The following ARHGAP42 variants were observed in gnomAD, a reference collection of about 807,000 sequenced individuals.
ARHGAP42 encodes Rho GTPase activating protein 42.
Under a neutral mutation model 125.0 loss-of-function variants are expected in ARHGAP42, and 63 were observed. The ratio of observed to expected loss-of-function variants is 0.50; its 90% confidence interval spans 0.41 to 0.62. The LOEUF is 0.62. ARHGAP42 is among the 20% of genes least tolerant of loss of function. The pLI is 0.00. For missense variants in ARHGAP42, 766 were observed against 1,024.2 expected (o/e 0.75, Z 3.44); for synonymous variants, 339 against 351.0 (o/e 0.97, Z 0.38).
intron 4 of ARHGAP42, among the ~76,000 whole-genome samples, chr11:100,900,339 A>C (rs933785834): frequency 6.6e-6 from 1 of 151,980 alleles, no homozygotes; most frequent in African/African-American, 2.4e-5. Flanking sequence ...TGTGCTTAAC[A>C]TTTTTTCCTT....
chr11:100,888,598 C>T (rs1196553556), intron 4 of ARHGAP42, among the ~76,000 whole-genome samples: 1 of 152,092 alleles, frequency 6.6e-6, no homozygotes, highest in Non-Finnish European at 1.5e-5. Context: ...CAAAGGAAAC[C>T]AATTTCCCAT....
At chr11:100,766,360 A>G (rs1862829068) in intron 1 of ARHGAP42, among the ~76,000 whole-genome samples, 1 of 152,148 alleles carries the variant, frequency 6.6e-6, no homozygotes. Flanking sequence ...ATGGCATGGG[A>G]TCTTTCATTT....
At position 100,881,133 on chromosome 11, in the gene ARHGAP42, T is replaced by C. The variant is rs1269797539; in HGVS notation, c.384+21508T>C. Among the ~76,000 whole-genome samples, 5 of 152,324 alleles carry C rather than the reference T, an allele frequency of 3.3e-5. No homozygotes were observed. In the South Asian group the frequency reaches 1.0e-3, roughly 32 times the overall value. ...ATCTTTGTTTCTTTGTATTTGCTTTTGGGTTCTTGGTCATGAAATCCTTGC... is the reference window on the plus strand; with the variant it reads ...ATCTTTGTTTCTTTGTATTTGCTTTCGGGTTCTTGGTCATGAAATCCTTGC... On this transcript the variant is annotated intron_variant, in intron 4 of 23. Transcript: ENST00000298815.
intron 3 of ARHGAP42, among the ~76,000 whole-genome samples, chr11:100,850,300 T>C (rs1865172284): frequency 6.6e-6 from 1 of 152,212 alleles, no homozygotes; most frequent in African/African-American, 2.4e-5. Flanking sequence ...TTAAGGCTCC[T>C]AGGCTACAGA....
chr11:100,843,957 C>T lies in ARHGAP42; in HGVS notation c.313-15597C>T, dbSNP rs545282242. Among the ~76,000 whole-genome samples, 14 of 152,104 alleles carry T rather than the reference C, an allele frequency of 9.2e-5. No individual in the cohort carries two copies. In the East Asian group the frequency reaches 2.7e-3, roughly 29 times the overall value. Reference sequence around the variant, plus strand: ...GAACTATAAAAAAAATCCTAAAATTCATATGGAACCAAAAAAATAGCCTGC... The same window carrying T: ...GAACTATAAAAAAAATCCTAAAATTTATATGGAACCAAAAAAATAGCCTGC... On this transcript the variant is annotated intron_variant, in intron 3 of 23. Transcript: ENST00000298815.
At chr11:100,896,089 G>T (rs1174507064) in intron 4 of ARHGAP42, among the ~76,000 whole-genome samples, 1 of 152,100 alleles carries the variant, frequency 6.6e-6, no homozygotes, top group South Asian at 2.1e-4. Context: ...GAGAACATGC[G>T]GTGTTTGGTT....
At chr11:100,692,290 C>T (rs1339925612) in intron 1 of ARHGAP42, among the ~76,000 whole-genome samples, 5 of 152,176 alleles carry the variant, frequency 3.3e-5, no homozygotes, top group Admixed American at 6.5e-5. Flanking sequence ...TATACACAAG[C>T]ATGGAACTAT....
intron 22 of ARHGAP42, among the ~76,000 whole-genome samples, chr11:100,980,547 CTTT>C (rs1319599852): frequency 4.7e-5 from 3 of 64,298 alleles, no homozygotes; most frequent in Non-Finnish European, 1.0e-4. Context: ...AATCATACTT[CTTT>C]TTCTTCTTCT....
chr11:100,977,014 AGAGAG>A, intron 21 of ARHGAP42, 43 bp downstream of exon 21: 1 of 1,546,680 alleles, frequency 6.5e-7, no homozygotes, highest in Non-Finnish European at 8.7e-7. Flanking sequence ...CCAGGGATAC[AGAGAG>A]GAGTTGAGTG....
At chr11:100,725,478 A>G (rs1310636353) in intron 1 of ARHGAP42, among the ~76,000 whole-genome samples, 2 of 151,528 alleles carry the variant, frequency 1.3e-5, no homozygotes, top group Admixed American at 1.3e-4. Flanking sequence ...CGTGACCAAA[A>G]TCTTGGTGAA....
At chr11:100,797,057 G>A (rs552249434) in intron 3 of ARHGAP42, among the ~76,000 whole-genome samples, 73 of 152,332 alleles carry the variant, frequency 4.8e-4, no homozygotes, top group African/African-American at 1.7e-3. Flanking sequence ...GTGAGCCACT[G>A]CATCCAGCCC....
intron 4 of ARHGAP42, among the ~76,000 whole-genome samples, chr11:100,891,316 G>C (rs992372227): frequency 6.6e-6 from 1 of 151,822 alleles, no homozygotes; most frequent in Non-Finnish European, 1.5e-5. Flanking sequence ...TTTTCATATA[G>C]TCTTCAAAGT....
At chr11:100,696,959 T>C (rs1255239265) in intron 1 of ARHGAP42, among the ~76,000 whole-genome samples, 2 of 152,164 alleles carry the variant, frequency 1.3e-5, no homozygotes, top group Non-Finnish European at 2.9e-5. Flanking sequence ...TCTATTTTGT[T>C]AAGAATGGGG....
In ARHGAP42 at chr11:100,928,024, G is replaced by T. The variant is rs577114882; in HGVS notation, c.598-5132G>T. 9.9e-5 allele frequency among the ~76,000 whole-genome samples: 15 copies of T among 152,222 alleles called. No homozygotes were observed. In the East Asian group the frequency reaches 2.1e-3, roughly 22 times the overall value. ...GCCATGAACTCCTTTGCACATCTAT[G>T]CATTAGACTTAAAGCAATCTGTAGT... On this transcript the variant is annotated intron_variant, in intron 6 of 23. Coordinates refer to ENST00000298815, the MANE Select transcript of ARHGAP42 (RefSeq NM_152432.4).
At chr11:100,866,352 A>T (rs1865570230) in intron 4 of ARHGAP42, among the ~76,000 whole-genome samples, 1 of 152,212 alleles carries the variant, frequency 6.6e-6, no homozygotes, top group African/African-American at 2.4e-5. Flanking sequence ...TCCATGAATC[A>T]TAAACGTTGT....
intron 12 of ARHGAP42, among the ~76,000 whole-genome samples, chr11:100,955,383 T>A (rs1002744114): frequency 6.6e-6 from 1 of 152,142 alleles, no homozygotes; most frequent in Admixed American, 6.6e-5. Context: ...TTGGTAGTAG[T>A]TGTATTCTGG....
intron 4 of ARHGAP42, among the ~76,000 whole-genome samples, chr11:100,877,731 G>A (rs1865853346): frequency 6.6e-6 from 1 of 152,120 alleles, no homozygotes; most frequent in South Asian, 2.1e-4. Context: ...ACCAGGGTGG[G>A]CGCGGTGGCT....
At chr11:100,981,747 T>C (rs945702179) in intron 22 of ARHGAP42, among the ~76,000 whole-genome samples, 1 of 151,760 alleles carries the variant, frequency 6.6e-6, no homozygotes, top group Admixed American at 6.6e-5. Context: ...ATCAGGAGAG[T>C]AGCAAAGGGA....
Position 100,990,004 on chromosome 11 carries a change from A to T in ARHGAP42, c.*1203A>T, listed in dbSNP as rs1409282964. On this transcript the variant is annotated 3_prime_UTR_variant, in exon 24 of 24. Coordinates refer to ENST00000298815, the MANE Select transcript of ARHGAP42 (RefSeq NM_152432.4). ...TTATGCCTTTTAGTTTACAGTCTTT[A>T]TTAGCAATTTCAGTGAATTTGTAGA... 1 of 152,200 alleles carries T rather than the reference A, an allele frequency of 6.6e-6. No individual in the cohort carries two copies. The highest frequency in any genetic ancestry group is 1.5e-5 in the Non-Finnish European group (1 of 68,036). 9.4% of individuals were successfully genotyped at this position (152,200 alleles called of 1,614,324 possible).
Sources: allele counts gnomAD v4.1 joint callset (sites outside exome capture counted in the v4.1 genomes callset), GRCh38; gene constraint gnomAD v4.1.1; transcripts MANE v1.5; gene names NCBI Gene and HGNC (gene_info 2026-07-23, HGNC 2026-07-21).